Variants in ME1 observed in about 807,000 individuals in gnomAD.
The protein encoded by ME1 is NADP-dependent malic enzyme.
A neutral mutation model predicts 66.4 loss-of-function variants in ME1; 74 were observed. That is an observed-to-expected ratio of 1.11 (90% CI 0.92 to 1.35). The LOEUF (loss-of-function observed/expected upper bound fraction) is 1.35. ME1 is among the 40% of genes most tolerant of loss of function. The pLI is 0.00. For synonymous variants in ME1, 251 were observed against 235.6 expected, an observed-to-expected ratio of 1.07 and a Z score of -0.60; for missense variants, 750 against 694.1, an observed-to-expected ratio of 1.08 and a Z score of -0.90.
At chr6:83,382,935 T>C (rs1219150862) in intron 3 of ME1, among the ~76,000 whole-genome samples, 1 of 151,846 alleles carries the variant, frequency 6.6e-6, no homozygotes, top group Non-Finnish European at 1.5e-5. Context: ...AATCAGTAGA[T>C]TCTGAATAAA....
chr6:83,408,007 T>C, intron 1 of ME1, 106 bp from the exon 2 acceptor site: 1 of 1,310,022 alleles, frequency 7.6e-7, no homozygotes, highest in South Asian at 1.9e-5. Context: ...AAATCCGAAG[T>C]CTGCGTCACT....
chr6:83,348,723 C>T (rs940827285), intron 4 of ME1, among the ~76,000 whole-genome samples: 48 of 150,866 alleles, frequency 3.2e-4, no homozygotes, highest in Middle Eastern at 3.5e-3. Context: ...CAGTAGCTCA[C>T]GCTTATAATC....
chr6:83,237,276 A>AAAGAAAGAAAGG (rs754296141), intron 9 of ME1, among the ~76,000 whole-genome samples: 877 of 73,564 alleles, frequency 0.012, 56 homozygotes, highest in Non-Finnish European at 0.016. Context: ...AGAAAGAAAG[A>AAAGAAAGAAAGG]AAGGAAGGAA....
intron 6 of ME1, among the ~76,000 whole-genome samples, chr6:83,291,797 T>A (rs1375585058): frequency 6.6e-6 from 1 of 152,174 alleles, no homozygotes; most frequent in Non-Finnish European, 1.5e-5. Context: ...GTCCCATATT[T>A]CTTGGAGGTT....
intron 9 of ME1, among the ~76,000 whole-genome samples, chr6:83,232,338 A>G (rs1790322786): frequency 1.3e-5 from 2 of 152,188 alleles, no homozygotes. Context: ...TGCACTTGCT[A>G]AAAGAGTCCA....
In ME1 at chr6:83,239,558, A is replaced by T. The variant is rs374822298; in HGVS notation, c.893T>A (p.Leu298Gln). 3.3e-5 allele frequency: 54 copies of T among 1,612,456 alleles called. No individual in the cohort carries two copies. The highest frequency in any genetic ancestry group is 4.5e-5 in the Non-Finnish European group (53 of 1,178,722). The change falls in exon 8 of 14, where the codon CTA becomes CAA. Residue 298 changes from leucine to glutamine, a missense_variant. Coordinates refer to ENST00000369705, the MANE Select transcript of ME1 (RefSeq NM_002395.6). ...TKNKLSDQTI[L>Q]FQGAGEAALG... ...AAATACCTCTCCAGCTCCTTGGAAT[A>T]GTATTGTTTGATCAGACAGTTTGTT...
At chr6:83,425,171 T>C (rs980863272) in intron 1 of ME1, among the ~76,000 whole-genome samples, 1 of 149,900 alleles carries the variant, frequency 6.7e-6, no homozygotes, top group Admixed American at 6.6e-5. Flanking sequence ...TTTTTTTTTC[T>C]TTTTTGTAAA....
intron 9 of ME1, among the ~76,000 whole-genome samples, chr6:83,235,628 G>A (rs1379616590): frequency 6.6e-6 from 1 of 151,944 alleles, no homozygotes; most frequent in African/African-American, 2.4e-5. Flanking sequence ...CCACCACCAT[G>A]CCCAGCTAAT....
intron 6 of ME1, among the ~76,000 whole-genome samples, chr6:83,306,148 T>A (rs900462914): frequency 2.6e-5 from 4 of 152,106 alleles, no homozygotes; most frequent in Admixed American, 2.6e-4. Context: ...AATCTTCTTT[T>A]TTTATGTTAC....
Position 83,328,701 on chromosome 6 carries a change from T to C in ME1, c.601-13288A>G, listed in dbSNP as rs559519936. The stretch of plus-strand genomic sequence containing the variant: ...AATTTACTGGATTAAAAACTTCTTA[T>C]GGTCAGGAGCAAACACTCAATAGAT... On this transcript the variant is annotated intron_variant, in intron 5 of 13. Transcript: ENST00000369705. Among the ~76,000 whole-genome samples the C allele has an allele frequency of 1.2e-4, 19 of 152,252 alleles. No individual in the cohort carries two copies. In the South Asian group the frequency reaches 1.9e-3, roughly 15 times the overall value.
At position 83,352,148 on chromosome 6, in the gene ME1, A is replaced by G; in HGVS notation, c.363-9T>C. ...TAGTAATAAAGAGACCTCTGCAGAAAAAAAAAAAAAAAAAGGAGTAGTTTA... is the reference window on the plus strand; with the variant it reads ...TAGTAATAAAGAGACCTCTGCAGAAGAAAAAAAAAAAAAAGGAGTAGTTTA... On this transcript the variant is annotated splice_polypyrimidine_tract_variant and intron_variant, in intron 3 of 13. Transcript: ENST00000369705. The G allele has an allele frequency of 1.6e-6, 2 of 1,269,426 alleles. No individual in the cohort carries two copies. The highest frequency in any genetic ancestry group is 3.0e-5 in the East Asian group (1 of 33,068). 78.6% of individuals were successfully genotyped at this position (1,269,426 alleles called of 1,614,324 possible). A position where few individuals can be genotyped will look rare whatever the true frequency, so the allele number is the denominator to read the frequency against.
At chr6:83,250,823 A>G (rs770519822) in intron 7 of ME1, among the ~76,000 whole-genome samples, 26 of 152,234 alleles carry the variant, frequency 1.7e-4, no homozygotes, top group Admixed American at 7.2e-4. Flanking sequence ...TCTTTAGACC[A>G]AAGGTTGGCA....
At chr6:83,430,212 G>C (rs11968233) in intron 1 of ME1, among the ~76,000 whole-genome samples, 5,670 of 150,314 alleles carry the variant, frequency 0.038, 336 homozygotes, top group African/African-American at 0.14. Context: ...CAAAACAAAA[G>C]AAAGAAAGAA....
intron 9 of ME1, among the ~76,000 whole-genome samples, chr6:83,232,539 T>C (rs1790325401): frequency 6.6e-6 from 1 of 152,232 alleles, no homozygotes; most frequent in Admixed American, 6.5e-5. Flanking sequence ...GCCTCTGTTC[T>C]TTTTAATACC....
At chr6:83,359,470 G>A (rs977740890) in intron 3 of ME1, among the ~76,000 whole-genome samples, 1 of 151,892 alleles carries the variant, frequency 6.6e-6, no homozygotes, top group East Asian at 2.0e-4. Flanking sequence ...GTTGTATCAG[G>A]CTGAATTTAT....
At chr6:83,286,641 A>C (rs1010138801) in intron 6 of ME1, among the ~76,000 whole-genome samples, 4 of 152,206 alleles carry the variant, frequency 2.6e-5, no homozygotes, top group African/African-American at 9.6e-5. Flanking sequence ...AGTGCTCAGC[A>C]GTATATAAAA....
chr6:83,255,644 A>G (rs1445336449), intron 6 of ME1, among the ~76,000 whole-genome samples: 2 of 152,202 alleles, frequency 1.3e-5, no homozygotes, highest in East Asian at 3.9e-4. Flanking sequence ...TAATCACCCA[A>G]CTATGTCAGC....
At chr6:83,252,633 A>G (rs1021253946) in intron 7 of ME1, among the ~76,000 whole-genome samples, 3 of 152,168 alleles carry the variant, frequency 2.0e-5, no homozygotes, top group Non-Finnish European at 2.9e-5. Context: ...TGGAATACAA[A>G]GAAGTCTGGG....
chr6:83,314,706 C>CTAA (rs1767993867), intron 6 of ME1, among the ~76,000 whole-genome samples: 2 of 152,214 alleles, frequency 1.3e-5, no homozygotes, highest in African/African-American at 2.4e-5. Flanking sequence ...TGCATAAACA[C>CTAA]TAATGGTCTC....
Sources: gnomAD v4.1 joint callset for allele counts (sites outside exome capture counted in the v4.1 genomes callset) on GRCh38, gnomAD v4.1.1 for gene constraint, MANE v1.5 for transcripts, NCBI Gene and HGNC (gene_info 2026-07-23, HGNC 2026-07-21) for gene names.